Variants in STRN3 observed in about 807,000 individuals in gnomAD.
STRN3 encodes striatin 3, also known as striatin-3.
In STRN3, 29 loss-of-function variants were observed where a neutral mutation model predicts 95.6. That is an observed-to-expected ratio of 0.30 (90% confidence interval 0.23 to 0.41). STRN3 has a LOEUF of 0.41. STRN3 is among the 10% of genes least tolerant of loss of function. The probability of loss-of-function intolerance (pLI) is 1.00; values close to 1 mark genes in which losing one functional copy is unlikely to be tolerated. For missense variants in STRN3, 890 were observed against 972.1 expected, an observed-to-expected ratio of 0.92 and a Z score of 1.12; for synonymous variants, 331 against 357.6, an observed-to-expected ratio of 0.93 and a Z score of 0.84.
Position 30,895,093 on chromosome 14 carries a change from AG to A in STRN3, c.*317del, listed in dbSNP as rs1896105480. On this transcript the variant is annotated 3_prime_UTR_variant, in exon 18 of 18. Coordinates refer to ENST00000357479, the MANE Select transcript of STRN3 (RefSeq NM_001083893.2). ...AAAAAAAAAAAAGAAGAAGAAGAAG[AG>A]AAAAAAAAAAACTTTTTTGAAAGAT... The A allele has an allele frequency of 5.9e-5, 13 of 221,168 alleles. No individual in the cohort carries two copies. The highest frequency in any genetic ancestry group is 1.2e-4 in the South Asian group (1 of 8,244). The allele number at this position is 221,168 out of a possible 1,614,324, so 13.7% of individuals were successfully genotyped here.
chr14:30,977,726 G>C (rs1362263047), intron 1 of STRN3, among the ~76,000 whole-genome samples: 1 of 142,766 alleles, frequency 7.0e-6, no homozygotes, highest in African/African-American at 2.6e-5. Context: ...CCAGAAGGCA[G>C]AGGTTGCAGT....
intron 8 of STRN3, among the ~76,000 whole-genome samples, chr14:30,925,515 A>G (rs1176948509): frequency 2.0e-5 from 3 of 152,208 alleles, no homozygotes; most frequent in Non-Finnish European, 4.4e-5. Context: ...ATGCTAATTC[A>G]GTAGGTGTGA....
In STRN3 at chr14:31,021,223, C is replaced by T. The variant is rs74543217; in HGVS notation, c.282+4681G>A. ...TTGAATTTGAGGTAGAAAAACTAAA[C>T]GGAAGTTAGAAATACAAGGGACATC... On this transcript the variant is annotated intron_variant, in intron 1 of 17. Coordinates refer to ENST00000357479, the MANE Select transcript of STRN3 (RefSeq NM_001083893.2). Among the ~76,000 whole-genome samples the T allele has an allele frequency of 2.0e-3, 299 of 152,152 alleles. 2 individuals are homozygous for T. Among genetic ancestry groups the T allele is most frequent in the African/African-American group, 6.6e-3 (273 of 41,496 alleles).
intron 1 of STRN3, among the ~76,000 whole-genome samples, chr14:30,975,730 A>C (rs1360861424): frequency 6.6e-6 from 1 of 151,564 alleles, no homozygotes; most frequent in Non-Finnish European, 1.5e-5. Context: ...CTATCTGGGA[A>C]GCTGATGTGA....
Position 30,950,902 on chromosome 14 carries a change from C to G in STRN3, c.503G>C (p.Ser168Thr). 1 of 1,613,816 alleles carries G rather than the reference C, an allele frequency of 6.2e-7. No homozygotes were observed. Among genetic ancestry groups the G allele is most frequent in the East Asian group, 2.2e-5 (1 of 44,858 alleles). ...DTEAPTAPQNSQLTWKQGRQL... is the reference protein window; with the variant it reads ...DTEAPTAPQNTQLTWKQGRQL... Reference sequence around the variant, plus strand: ...TCTGCCTTGCTTCCACGTTAACTGGCTATTCTGAGGTGCTGTGGGAGCCTC... The same window carrying G: ...TCTGCCTTGCTTCCACGTTAACTGGGTATTCTGAGGTGCTGTGGGAGCCTC... The change falls in exon 4 of 18, where the codon AGC becomes ACC. Residue 168 changes from serine to threonine, a missense_variant. Physicochemically the swap from Ser to Thr is moderately conservative, Grantham distance 58 (BLOSUM62 1). Around this residue, in one of 3 missense-constraint regions of STRN3, gnomAD observed 526 missense variants for 526.3 expected, o/e 1.00. Coordinates refer to ENST00000357479, the MANE Select transcript of STRN3 (RefSeq NM_001083893.2).
At chr14:30,915,161 A>T (rs536708124) in intron 9 of STRN3, among the ~76,000 whole-genome samples, 6 of 152,320 alleles carry the variant, frequency 3.9e-5, no homozygotes, top group South Asian at 2.1e-4. Context: ...ATCAATTTTA[A>T]AAAAATTCCC....
At chr14:30,977,261 T>G (rs938203948) in intron 1 of STRN3, among the ~76,000 whole-genome samples, 1 of 151,904 alleles carries the variant, frequency 6.6e-6, no homozygotes, top group African/African-American at 2.4e-5. Context: ...AGAGAAAGAT[T>G]TGAAACCAAC....
intron 1 of STRN3, chr14:31,025,019 T>G (rs1883727475): frequency 6.6e-6 from 1 of 152,222 alleles, no homozygotes; most frequent in African/African-American, 2.4e-5. Flanking sequence ...CAAGCTCAAC[T>G]ATGAAGGGTT....
chr14:31,012,031 G>C (rs978009985), intron 1 of STRN3, among the ~76,000 whole-genome samples: 3 of 152,204 alleles, frequency 2.0e-5, no homozygotes, highest in African/African-American at 7.2e-5. Context: ...GCAGTGAGCC[G>C]AGATCGCGCA....
chr14:30,962,716 T>C (rs191215519), intron 1 of STRN3, among the ~76,000 whole-genome samples: 1 of 152,136 alleles, frequency 6.6e-6, no homozygotes, highest in African/African-American at 2.4e-5. Context: ...TCTATTTTTT[T>C]AAGATGGGAT....
At chr14:30,995,962 C>G (rs1220410801) in intron 1 of STRN3, among the ~76,000 whole-genome samples, 1 of 152,180 alleles carries the variant, frequency 6.6e-6, no homozygotes, top group Non-Finnish European at 1.5e-5. Flanking sequence ...CATCCAATGA[C>G]TGATCAAACC....
intron 10 of STRN3, among the ~76,000 whole-genome samples, chr14:30,912,559 G>A (rs1896638631): frequency 6.6e-6 from 1 of 152,162 alleles, no homozygotes; most frequent in Admixed American, 6.5e-5. Context: ...AGTATTAACA[G>A]TAAAGTTGTC....
At chr14:30,908,479 C>T (rs764778293) in intron 13 of STRN3, among the ~76,000 whole-genome samples, 3 of 152,166 alleles carry the variant, frequency 2.0e-5, no homozygotes, top group Non-Finnish European at 4.4e-5. Flanking sequence ...GAAAGATTAT[C>T]CAGAGGTCCC....
At chr14:31,013,271 G>A (rs1443899913) in intron 1 of STRN3, among the ~76,000 whole-genome samples, 1 of 151,940 alleles carries the variant, frequency 6.6e-6, no homozygotes, top group Non-Finnish European at 1.5e-5. Context: ...AACTTGCGAG[G>A]CTGAGGTGGG....
intron 5 of STRN3, among the ~76,000 whole-genome samples, chr14:30,941,257 C>G (rs771843107): frequency 7.2e-5 from 11 of 152,178 alleles, no homozygotes; most frequent in Non-Finnish European, 1.6e-4. Flanking sequence ...TGTCAAGCTG[C>G]TGACTTAACT....
At chr14:30,933,283 A>AT in intron 7 of STRN3, among the ~76,000 whole-genome samples, 1 of 148,802 alleles carries the variant, frequency 6.7e-6, no homozygotes, top group Non-Finnish European at 1.5e-5. Context: ...TGTTTCATAA[A>AT]AAAAAAAAAA....
At chr14:30,994,492 A>T (rs1317832537) in intron 1 of STRN3, among the ~76,000 whole-genome samples, 5 of 152,244 alleles carry the variant, frequency 3.3e-5, no homozygotes, top group Admixed American at 6.5e-5. Flanking sequence ...AAACCTAGAA[A>T]TAAACTGTAT....
intron 13 of STRN3, 48 bp from the exon 14 acceptor site, chr14:30,907,092 A>T: frequency 6.3e-7 from 1 of 1,585,280 alleles, no homozygotes; most frequent in Non-Finnish European, 8.6e-7. Context: ...GAAGTTTAAA[A>T]GAAACTTTGA....
At chr14:31,021,083 A>G (rs547308556) in intron 1 of STRN3, among the ~76,000 whole-genome samples, 3 of 152,320 alleles carry the variant, frequency 2.0e-5, no homozygotes, top group South Asian at 4.1e-4. Context: ...TGACCTCTAT[A>G]GTACTAGCGA....
Sources: allele counts gnomAD v4.1 joint callset (sites outside exome capture counted in the v4.1 genomes callset), GRCh38; gene constraint gnomAD v4.1.1; regional missense constraint gnomAD v4.1.1; transcripts MANE v1.5; gene names NCBI Gene and HGNC (gene_info 2026-07-23, HGNC 2026-07-21).